PLCL1: variants seen among roughly 807,000 people sequenced by gnomAD.
PLCL1 encodes the protein inactive phospholipase C-like protein 1.
PLCL1 carries 41 observed loss-of-function variants against 84.4 expected under a neutral mutation model. That is an observed-to-expected ratio of 0.49 (90% CI 0.38 to 0.63). PLCL1 has a LOEUF of 0.63. PLCL1 is among the 30% of genes least tolerant of loss of function. PLCL1 has a pLI of 0.00. For synonymous variants in PLCL1, 490 were observed against 488.3 expected (o/e 1.00, Z -0.05); for missense variants, 1,206 against 1,367.8 (o/e 0.88, Z 1.87).
intron 1 of PLCL1, among the ~76,000 whole-genome samples, chr2:197,917,160 C>T (rs75720929): frequency 1.1e-4 from 17 of 152,222 alleles, no homozygotes; most frequent in Middle Eastern, 3.4e-3. Context: ...AGTTATTTAC[C>T]AAATGGATTT....
intron 5 of PLCL1, among the ~76,000 whole-genome samples, chr2:198,122,920 C>A (rs539414826): frequency 8.2e-4 from 124 of 151,990 alleles, no homozygotes; most frequent in Non-Finnish European, 1.5e-3. Context: ...TATCCATTTT[C>A]TACAGGAGAA....
At chr2:198,043,878 G>GTTTT (rs1490203466) in intron 1 of PLCL1, among the ~76,000 whole-genome samples, 2 of 76,172 alleles carry the variant, frequency 2.6e-5, no homozygotes, top group African/African-American at 5.0e-5. Context: ...TTTAATTCTT[G>GTTTT]TTCTTTTTTT....
At chr2:197,861,931 G>A (rs1047146735) in intron 1 of PLCL1, among the ~76,000 whole-genome samples, 2 of 152,034 alleles carry the variant, frequency 1.3e-5, no homozygotes, top group East Asian at 1.9e-4. Flanking sequence ...TTTAAAATAC[G>A]GAAAAAGTAA....
chr2:198,125,863 G>T (rs1164916277), intron 5 of PLCL1, among the ~76,000 whole-genome samples: 5 of 152,080 alleles, frequency 3.3e-5, no homozygotes, highest in Admixed American at 6.6e-5. Context: ...AAGCAAAAAT[G>T]GGCCATGGGA....
intron 1 of PLCL1, among the ~76,000 whole-genome samples, chr2:197,868,155 C>G (rs1687583195): frequency 6.6e-6 from 1 of 152,134 alleles, no homozygotes; most frequent in African/African-American, 2.4e-5. Flanking sequence ...CTTTTATGTC[C>G]AGTCAAAACT....
At chr2:197,822,473 G>A (rs1690834434) in intron 1 of PLCL1, among the ~76,000 whole-genome samples, 1 of 152,174 alleles carries the variant, frequency 6.6e-6, no homozygotes, top group Non-Finnish European at 1.5e-5. Flanking sequence ...TTACGTGGGT[G>A]TCTCCTCCCA....
At chr2:197,879,821 T>C (rs1339304188) in intron 1 of PLCL1, among the ~76,000 whole-genome samples, 1 of 152,118 alleles carries the variant, frequency 6.6e-6, no homozygotes, top group Non-Finnish European at 1.5e-5. Flanking sequence ...CTAAGGTCTT[T>C]GGAAGCCATT....
chr2:198,040,977 G>A (rs1691647342), intron 1 of PLCL1, among the ~76,000 whole-genome samples: 1 of 152,160 alleles, frequency 6.6e-6, no homozygotes, highest in African/African-American at 2.4e-5. Context: ...TTAAAGCCCT[G>A]GCCAATGGGG....
chr2:197,891,763 C>T (rs1024405021), intron 1 of PLCL1, among the ~76,000 whole-genome samples: 4 of 151,974 alleles, frequency 2.6e-5, no homozygotes, highest in African/African-American at 9.7e-5. Context: ...AAGTGCTGGC[C>T]GGGCAGTGTT....
chr2:198,052,869 A>T (rs1409035642), intron 1 of PLCL1, among the ~76,000 whole-genome samples: 1 of 152,158 alleles, frequency 6.6e-6, no homozygotes, highest in African/African-American at 2.4e-5. Flanking sequence ...CTCCCCCTTC[A>T]TTCCTAGCCT....
chr2:198,023,203 A>G (rs889710708), intron 1 of PLCL1, among the ~76,000 whole-genome samples: 1 of 152,232 alleles, frequency 6.6e-6, no homozygotes, highest in East Asian at 1.9e-4. Context: ...CATATGCAGA[A>G]AACTGAAACT....
In PLCL1 at chr2:198,065,493, C is replaced by A. The variant is rs529028076; in HGVS notation, c.241-18265C>A. Among the ~76,000 whole-genome samples the A allele has an allele frequency of 3.3e-5, 5 of 152,244 alleles. No individual in the cohort carries two copies. In the South Asian group the frequency reaches 1.0e-3, roughly 32 times the overall value. The stretch of plus-strand genomic sequence containing the variant: ...AATCATTTTTTAAACTTTCCCAAAT[C>A]TTTGGCTTATCAATGATGCATTATT... On this transcript the variant is annotated intron_variant, in intron 1 of 5. Transcript: ENST00000428675.
intron 5 of PLCL1, among the ~76,000 whole-genome samples, chr2:198,108,822 G>T (rs1022140708): frequency 6.6e-6 from 1 of 151,820 alleles, no homozygotes; most frequent in Non-Finnish European, 1.5e-5. Flanking sequence ...CGTATCTTTT[G>T]CATTTTTCCA....
rs973736274 is a variant in PLCL1, at chr2:197,917,708, G to C, written c.240+112369G>C. Reference sequence around the variant, plus strand: ...AAGGAACCAAGGAAAAGGAACCAAGGCTCCTTATGTAAGTGGATGATTCTA... The same window carrying C: ...AAGGAACCAAGGAAAAGGAACCAAGCCTCCTTATGTAAGTGGATGATTCTA... On this transcript the variant is annotated intron_variant, in intron 1 of 5. Transcript: ENST00000428675. 7.4e-4 allele frequency among the ~76,000 whole-genome samples: 112 copies of C among 152,242 alleles called. 1 individual carries two copies. Among genetic ancestry groups the C allele is most frequent in the African/African-American group, 2.6e-3 (110 of 41,542 alleles).
chr2:198,091,400 A>T (rs12386136), intron 3 of PLCL1, among the ~76,000 whole-genome samples: 3 of 152,134 alleles, frequency 2.0e-5, no homozygotes, highest in Non-Finnish European at 4.4e-5. Context: ...AAAAACATAG[A>T]TCAAGGGGCT....
intron 1 of PLCL1, among the ~76,000 whole-genome samples, chr2:197,856,503 T>C (rs962407864): frequency 4.6e-5 from 7 of 152,204 alleles, no homozygotes; most frequent in African/African-American, 1.7e-4. Context: ...GAAAAGCATT[T>C]ATCTTTAACA....
chr2:197,986,194 G>A (rs755949094), intron 1 of PLCL1, among the ~76,000 whole-genome samples: 35 of 152,104 alleles, frequency 2.3e-4, no homozygotes, highest in Non-Finnish European at 4.3e-4. Context: ...TTAAAAGATT[G>A]TAACCCGATA....
rs188315192 is a variant in PLCL1, at chr2:197,841,344, C to A, written c.240+36005C>A. Among the ~76,000 whole-genome samples, 503 of 152,194 alleles carry A rather than the reference C, an allele frequency of 3.3e-3. 2 individuals carry two copies. The highest frequency in any genetic ancestry group is 5.8e-3 in the Non-Finnish European group (393 of 67,996). On this transcript the variant is annotated intron_variant, in intron 1 of 5. Transcript: ENST00000428675. Reference sequence around the variant, plus strand: ...ATAGCACCATACAGAGTAGTGGCACCGTCCTGAAAATCTCCTGTGCTTTGC... The same window carrying A: ...ATAGCACCATACAGAGTAGTGGCACAGTCCTGAAAATCTCCTGTGCTTTGC...
chr2:197,923,443 G>C (rs1688761034), intron 1 of PLCL1, among the ~76,000 whole-genome samples: 1 of 146,436 alleles, frequency 6.8e-6, no homozygotes, highest in South Asian at 2.3e-4. Flanking sequence ...TTCTCAGACG[G>C]GGCGGCCGGG....
Sources: allele counts gnomAD v4.1 joint callset (sites outside exome capture counted in the v4.1 genomes callset), GRCh38; gene constraint gnomAD v4.1.1; transcripts MANE v1.5; gene names NCBI Gene and HGNC (gene_info 2026-07-23, HGNC 2026-07-21).